UBAP1: variants seen among roughly 807,000 people sequenced by gnomAD.
UBAP1 encodes the protein ubiquitin associated protein 1.
In UBAP1, 5 loss-of-function variants were observed where a neutral mutation model predicts 39.0. The ratio of observed to expected loss-of-function variants is 0.13; its 90% CI spans 0.07 to 0.27. The LOEUF is 0.27. UBAP1 is among the 10% of genes least tolerant of loss of function. The pLI, the probability that UBAP1 is intolerant of heterozygous loss-of-function variation, is 1.00. For missense variants in UBAP1, 490 were observed against 608.1 expected (o/e 0.81, Z 2.04); for synonymous variants, 211 against 225.1 (o/e 0.94, Z 0.56).
At chr9:34,229,843 T>C (rs112945886) in intron 2 of UBAP1, among the ~76,000 whole-genome samples, 2 of 151,970 alleles carry the variant, frequency 1.3e-5, no homozygotes, top group African/African-American at 4.8e-5. Flanking sequence ...GGCCCCTAAT[T>C]TTTGTATTTT....
chr9:34,244,413 CGAGCACCA>C (rs1834121563), intron 4 of UBAP1, among the ~76,000 whole-genome samples: 1 of 124,948 alleles, frequency 8.0e-6, no homozygotes, highest in East Asian at 2.3e-4. Flanking sequence ...CCATTGTGTA[CGAGCACCA>C]CATTTTTTTA....
At chr9:34,207,221 T>C (rs1831756835) in intron 1 of UBAP1, among the ~76,000 whole-genome samples, 1 of 151,458 alleles carries the variant, frequency 6.6e-6, no homozygotes, top group South Asian at 2.1e-4. Context: ...AATTTTTGTA[T>C]TTTTAGTAGA....
intron 1 of UBAP1, among the ~76,000 whole-genome samples, chr9:34,185,179 C>T (rs934793542): frequency 3.3e-5 from 5 of 152,152 alleles, no homozygotes; most frequent in Non-Finnish European, 7.3e-5. Context: ...GGTGATCTGC[C>T]TGCCTCGGCC....
intron 4 of UBAP1, among the ~76,000 whole-genome samples, chr9:34,248,748 C>A (rs1457130829): frequency 1.3e-5 from 2 of 152,218 alleles, no homozygotes; most frequent in Non-Finnish European, 2.9e-5. Context: ...CATCTGGTTA[C>A]ATCTGTATAA....
Position 34,249,961 on chromosome 9 carries a change from G to T in UBAP1, c.1266G>T (p.Gln422His), listed in dbSNP as rs1272990916. 1.9e-6 allele frequency: 3 copies of T among 1,613,782 alleles called. No individual in the cohort carries two copies. The highest frequency in any genetic ancestry group is 2.5e-6 in the Non-Finnish European group (3 of 1,179,968). The change falls in exon 5 of 7, where the codon CAG (glutamine) becomes CAT (histidine). Residue 422 changes from glutamine (Q) to histidine (H), a missense_variant and splice_region_variant. This residue lies in a region of UBAP1 where 339 missense variants were observed against 390.0 expected (regional missense o/e 0.87). Coordinates refer to ENST00000297661, the MANE Select transcript of UBAP1 (RefSeq NM_016525.5). ...AMKKKGENIE[Q>H]ILDYLFAHGQ... is the part of the protein sequence containing the mutation. ...AGAAGAAAGGAGAGAATATTGAGCAGGTGAGCGGTTGGTCAGCCAGGAGGG... is the reference window on the plus strand; with the variant it reads ...AGAAGAAAGGAGAGAATATTGAGCATGTGAGCGGTTGGTCAGCCAGGAGGG...
chr9:34,179,155 C>T lies in UBAP1; in HGVS notation c.-93C>T. ...GGCGTTCGCTCTCCCTAGGGGCTGT[C>T]GGGAGCTCAGCGGGGACCGAGCCTG... On this transcript the variant is annotated 5_prime_UTR_variant, in exon 1 of 7. Coordinates refer to ENST00000297661, the MANE Select transcript of UBAP1 (RefSeq NM_016525.5). 8.0e-7 allele frequency: 1 copy of T among 1,243,696 alleles called. No individual in the cohort carries two copies. Among genetic ancestry groups the T allele is most frequent in the Non-Finnish European group, 1.0e-6 (1 of 991,906 alleles). 77.0% of individuals were successfully genotyped at this position (1,243,696 alleles called of 1,614,324 possible). A position where few individuals can be genotyped will look rare whatever the true frequency, so the allele number is the denominator to read the frequency against.
intron 1 of UBAP1, chr9:34,212,048 AAAGAAT>A (rs1374997850): frequency 9.4e-6 from 4 of 424,212 alleles, no homozygotes; most frequent in Non-Finnish European, 1.9e-5. Flanking sequence ...TAAAAAAGAA[AAAGAAT>A]ATGTTTTATT....
At chr9:34,247,330 T>C (rs1122114) in intron 4 of UBAP1, among the ~76,000 whole-genome samples, 55,302 of 152,104 alleles carry the variant, frequency 0.36, 11,192 homozygotes, top group East Asian at 0.89. Flanking sequence ...GATGATACTT[T>C]TAAATCATCC....
chr9:34,182,819 T>G (rs780717351), intron 1 of UBAP1, among the ~76,000 whole-genome samples: 7 of 151,938 alleles, frequency 4.6e-5, no homozygotes, highest in Non-Finnish European at 8.8e-5. Flanking sequence ...CACGCCATTC[T>G]CCTGCCTCAG....
intron 4 of UBAP1, among the ~76,000 whole-genome samples, chr9:34,248,042 A>AT (rs563972736): frequency 0.16 from 23,093 of 144,544 alleles, 2,035 homozygotes; most frequent in South Asian, 0.32. Context: ...AATAGATACG[A>AT]TTTTTTTTTT....
rs182614776 is a variant in UBAP1 at position 34,194,009 on chromosome 9, C to T, written c.-8+14769C>T. Among the ~76,000 whole-genome samples the T allele has an allele frequency of 7.4e-3, 1,125 of 152,252 alleles. 15 individuals are homozygous for T. Among genetic ancestry groups the T allele is most frequent in the Admixed American group, 0.021 (325 of 15,282 alleles). On this transcript the variant is annotated intron_variant, in intron 1 of 6. Transcript: ENST00000297661. ...TGAGACCTGCCCCTGAGACCTAACACACCCAATATTGTATCAGAAGACTGT... is the reference window on the plus strand; with the variant it reads ...TGAGACCTGCCCCTGAGACCTAACATACCCAATATTGTATCAGAAGACTGT...
chr9:34,246,740 G>A (rs2131629843), intron 4 of UBAP1, among the ~76,000 whole-genome samples: 1 of 152,312 alleles, frequency 6.6e-6, no homozygotes, highest in South Asian at 2.1e-4. Flanking sequence ...TAGGCTTGAG[G>A]GCCACATAGG....
intron 2 of UBAP1, among the ~76,000 whole-genome samples, chr9:34,227,715 C>T (rs530835192): frequency 6.6e-6 from 1 of 152,126 alleles, no homozygotes; most frequent in East Asian, 1.9e-4. Context: ...GAGGCATGCA[C>T]TTAGTGGCTA....
At chr9:34,213,130 G>C (rs997036162) in intron 1 of UBAP1, among the ~76,000 whole-genome samples, 6 of 152,104 alleles carry the variant, frequency 3.9e-5, no homozygotes, top group African/African-American at 1.4e-4. Flanking sequence ...TGCAGAAAAA[G>C]CATTTGACAA....
chr9:34,243,286 T>G lies in UBAP1; in HGVS notation c.1083+1178T>G, dbSNP rs556099316. ...TCTCATTTAAAGTTAGATTAACCATTTAGAGATCAAAGCCAATAAACTAAC... is the reference window on the plus strand; with the variant it reads ...TCTCATTTAAAGTTAGATTAACCATGTAGAGATCAAAGCCAATAAACTAAC... On this transcript the variant is annotated intron_variant, in intron 4 of 6. Coordinates refer to ENST00000297661, the MANE Select transcript of UBAP1 (RefSeq NM_016525.5). Among the ~76,000 whole-genome samples the G allele has an allele frequency of 3.3e-5, 5 of 152,228 alleles. No individual in the cohort carries two copies. In the East Asian group the frequency reaches 9.7e-4, roughly 29 times the overall value.
chr9:34,216,679 C>T (rs1299522613), intron 1 of UBAP1, among the ~76,000 whole-genome samples: 3 of 113,462 alleles, frequency 2.6e-5, no homozygotes, highest in Non-Finnish European at 5.0e-5. Flanking sequence ...TTGAGACTGG[C>T]TCTCTTGCCC....
At chr9:34,182,659 CTTTCTTTCTTTCTTTCTTTCTT>C (rs1563881148) in intron 1 of UBAP1, among the ~76,000 whole-genome samples, 31 of 55,292 alleles carry the variant, frequency 5.6e-4, no homozygotes, top group African/African-American at 1.2e-3. Context: ...TTCTTTCTTT[CTTTCTTTCTTTCTTTCTTTCTT>C]TCTCTCTCTC....
chr9:34,188,593 T>G (rs1015700923), intron 1 of UBAP1, among the ~76,000 whole-genome samples: 2 of 151,626 alleles, frequency 1.3e-5, no homozygotes, highest in African/African-American at 4.8e-5. Context: ...ACTTCCTGCC[T>G]TTTTCTGTTG....
At chr9:34,227,735 T>C (rs1171678763) in intron 2 of UBAP1, among the ~76,000 whole-genome samples, 1 of 152,108 alleles carries the variant, frequency 6.6e-6, no homozygotes, top group East Asian at 1.9e-4. Context: ...ATTTAAAAAA[T>C]TGAACTTAGG....
Sources: gnomAD v4.1 joint callset for allele counts (sites outside exome capture counted in the v4.1 genomes callset) on GRCh38, gnomAD v4.1.1 for gene constraint, gnomAD v4.1.1 regional missense constraint, MANE v1.5 for transcripts, NCBI Gene and HGNC (gene_info 2026-07-23, HGNC 2026-07-21) for gene names.